CLYBL: variants seen among roughly 807,000 people sequenced by gnomAD.
CLYBL encodes the protein citramalyl-CoA lyase.
CLYBL carries 31 observed loss-of-function variants against 38.9 expected under a neutral mutation model. That is an observed-to-expected ratio of 0.80 (90% CI 0.60 to 1.08). The LOEUF is 1.08. CLYBL is among the 50% of genes least tolerant of loss of function. The probability of loss-of-function intolerance (pLI) is 0.00; values close to 1 mark genes in which losing one functional copy is unlikely to be tolerated. For missense variants in CLYBL, 434 were observed against 411.6 expected (o/e 1.05, Z -0.47); for synonymous variants, 171 against 158.6 (o/e 1.08, Z -0.59).
At chr13:99,778,193 T>G (rs1272454603) in intron 2 of CLYBL, among the ~76,000 whole-genome samples, 6 of 152,232 alleles carry the variant, frequency 3.9e-5, no homozygotes, top group African/African-American at 1.4e-4. Flanking sequence ...AGCCTGAAAC[T>G]TCTCAAATAT....
intron 1 of CLYBL, among the ~76,000 whole-genome samples, chr13:99,694,400 G>A (rs1274257052): frequency 6.6e-6 from 1 of 152,166 alleles, no homozygotes; most frequent in Non-Finnish European, 1.5e-5. Flanking sequence ...TCTGTGTTGG[G>A]GACTTCCGCA....
intron 1 of CLYBL, among the ~76,000 whole-genome samples, chr13:99,615,377 A>T (rs936444424): frequency 1.3e-5 from 2 of 152,248 alleles, no homozygotes; most frequent in African/African-American, 4.8e-5. Flanking sequence ...AAGGCTCGGA[A>T]AAGCAAGCTG....
At chr13:99,862,709 G>A (rs1307220060) in intron 3 of CLYBL, among the ~76,000 whole-genome samples, 2 of 152,148 alleles carry the variant, frequency 1.3e-5, no homozygotes, top group Admixed American at 6.5e-5. Flanking sequence ...CAGGGAAAGC[G>A]TTTATACTCT....
intron 2 of CLYBL, among the ~76,000 whole-genome samples, chr13:99,823,277 GTCTTGAAGTCCTGGGC>G (rs1262693580): frequency 6.6e-6 from 1 of 152,074 alleles, no homozygotes. Context: ...ACCCAGGCTG[GTCTTGAAGTCCTGGGC>G]TCAAGTGATC....
At chr13:99,862,881 G>T in intron 3 of CLYBL, 110 bp from the exon 4 acceptor site, 2 of 471,714 alleles carry the variant, frequency 4.2e-6, no homozygotes, top group Non-Finnish European at 3.7e-6. Context: ...GACGAAAGAG[G>T]CTTGGATATT....
exon 10 of CLYBL, among the ~76,000 whole-genome samples, chr13:99,909,264 G>A (rs2052726829): frequency 6.6e-6 from 1 of 152,202 alleles, no homozygotes; most frequent in African/African-American, 2.4e-5. Flanking sequence ...TGTTACCTTG[G>A]ACATGTTACT....
chr13:99,709,815 A>G (rs2048199645), intron 1 of CLYBL, among the ~76,000 whole-genome samples: 1 of 151,944 alleles, frequency 6.6e-6, no homozygotes, highest in African/African-American at 2.4e-5. Flanking sequence ...GATGCAGAGA[A>G]GCAGCTTTGT....
chr13:99,786,219 A>G (rs1231078632), intron 2 of CLYBL, among the ~76,000 whole-genome samples: 1 of 85,094 alleles, frequency 1.2e-5, no homozygotes, highest in Non-Finnish European at 2.5e-5. Flanking sequence ...TTTTTTTTTT[A>G]ATTATACTTT....
intron 1 of CLYBL, among the ~76,000 whole-genome samples, chr13:99,677,509 A>G (rs944423323): frequency 6.6e-6 from 1 of 152,202 alleles, no homozygotes; most frequent in Non-Finnish European, 1.5e-5. Flanking sequence ...AAACGTTTCC[A>G]TAATGAGTTC....
At chr13:99,709,868 G>A (rs975503521) in intron 1 of CLYBL, among the ~76,000 whole-genome samples, 1 of 151,004 alleles carries the variant, frequency 6.6e-6, no homozygotes, top group East Asian at 1.9e-4. Context: ...AGAGAGCTTC[G>A]CCACTGCATT....
intron 1 of CLYBL, among the ~76,000 whole-genome samples, chr13:99,614,090 T>C (rs2046670499): frequency 6.6e-6 from 1 of 151,902 alleles, no homozygotes; most frequent in African/African-American, 2.4e-5. Flanking sequence ...CGGGTACTTA[T>C]TAGGAACAGG....
intron 2 of CLYBL, among the ~76,000 whole-genome samples, chr13:99,831,410 A>C (rs1183885613): frequency 6.6e-6 from 1 of 152,146 alleles, no homozygotes; most frequent in Non-Finnish European, 1.5e-5. Context: ...TCAGGGAGGC[A>C]GGTGGAGGGA....
Position 99,865,037 on chromosome 13 carries a change from G to GT in CLYBL, c.634+131dup, listed in dbSNP as rs1277627524. On this transcript the variant is annotated intron_variant, in intron 5 of 8. Transcript: ENST00000339105. The surrounding 1 kb of genome is among the most constrained non-coding windows in gnomAD (Gnocchi z 4.7). The stretch of plus-strand genomic sequence containing the variant: ...TGTATATTTGCCAACCATGACAATG[G>GT]TTTTTCATGACAATGGAATGGACAC... The GT allele has an allele frequency of 4.0e-6, 3 of 750,276 alleles. No individual in the cohort carries two copies. The Admixed American group carries it at 6.0e-5, about 15-fold the overall frequency. 46.5% of individuals were successfully genotyped at this position (750,276 alleles called of 1,614,324 possible). A position where few individuals can be genotyped will look rare whatever the true frequency, so the allele number is the denominator to read the frequency against.
chr13:99,863,604 T>A (rs753322807), intron 4 of CLYBL, among the ~76,000 whole-genome samples: 2 of 152,260 alleles, frequency 1.3e-5, no homozygotes, highest in Non-Finnish European at 2.9e-5. Flanking sequence ...CACATTAGAA[T>A]ATCTTCTAAT....
chr13:99,824,181 G>C (rs928597517), intron 2 of CLYBL, among the ~76,000 whole-genome samples: 1 of 152,068 alleles, frequency 6.6e-6, no homozygotes, highest in Admixed American at 6.6e-5. Context: ...AGAGATTCCG[G>C]AATGGTTGGA....
chr13:99,681,441 A>G (rs1350373915), intron 1 of CLYBL, among the ~76,000 whole-genome samples: 1 of 152,220 alleles, frequency 6.6e-6, no homozygotes, highest in African/African-American at 2.4e-5. Flanking sequence ...CTACCTATCT[A>G]TATCTGTATT....
intron 1 of CLYBL, among the ~76,000 whole-genome samples, chr13:99,741,910 T>A (rs1312074263): frequency 1.3e-5 from 2 of 152,240 alleles, no homozygotes; most frequent in East Asian, 3.8e-4. Flanking sequence ...ATTCTACCAT[T>A]CTGCATCAGT....
At chr13:99,833,026 ATATATTTTTTTTTT>A (rs1566345771) in intron 2 of CLYBL, among the ~76,000 whole-genome samples, 13 of 36,232 alleles carry the variant, frequency 3.6e-4, no homozygotes, top group South Asian at 1.7e-3. Flanking sequence ...ATATATATAT[ATATATTTTTTTTTT>A]TTTTTTTTTT....
At chr13:99,788,570 A>C (rs550498292) in intron 2 of CLYBL, among the ~76,000 whole-genome samples, 1 of 152,258 alleles carries the variant, frequency 6.6e-6, no homozygotes, top group Non-Finnish European at 1.5e-5. Context: ...ATGGTGGATA[A>C]GTTTTCTGAT....
Sources: gnomAD v4.1 joint callset for allele counts (sites outside exome capture counted in the v4.1 genomes callset) on GRCh38, gnomAD v4.1.1 for gene constraint, Gnocchi (gnomAD v3.1) non-coding constraint, MANE v1.5 for transcripts, NCBI Gene and HGNC (gene_info 2026-07-23, HGNC 2026-07-21) for gene names.